Variants in CACNA2D3 observed in about 807,000 individuals in gnomAD.
The protein encoded by CACNA2D3 is calcium voltage-gated channel auxiliary subunit alpha2delta 3.
Under a neutral mutation model 160.6 loss-of-function variants are expected in CACNA2D3, and 60 were observed. The ratio of observed to expected loss-of-function variants is 0.37; its 90% confidence interval spans 0.30 to 0.46. The LOEUF is 0.46. Ranked by LOEUF, CACNA2D3 falls within the 20% of genes least tolerant of loss-of-function variation. The probability of loss-of-function intolerance (pLI) is 1.00; values close to 1 mark genes in which losing one functional copy is unlikely to be tolerated. For synonymous variants in CACNA2D3, 558 were observed against 492.9 expected, an observed-to-expected ratio of 1.13 and a Z score of -1.75; for missense variants, 1,205 against 1,365.0, an observed-to-expected ratio of 0.88 and a Z score of 1.85.
At chr3:54,266,174 G>T (rs548647263) in intron 2 of CACNA2D3, among the ~76,000 whole-genome samples, 2 of 152,292 alleles carry the variant, frequency 1.3e-5, no homozygotes, top group Admixed American at 1.3e-4. Flanking sequence ...GAGCTTTGTA[G>T]AAGTGAGAAG....
At chr3:54,218,553 A>G (rs1701504680) in intron 2 of CACNA2D3, among the ~76,000 whole-genome samples, 1 of 152,198 alleles carries the variant, frequency 6.6e-6, no homozygotes, top group Admixed American at 6.5e-5. Context: ...AGATGTTAGC[A>G]TATTAACCCC....
intron 2 of CACNA2D3, among the ~76,000 whole-genome samples, chr3:54,238,517 A>G (rs1040660631): frequency 2.0e-5 from 3 of 152,246 alleles, no homozygotes; most frequent in African/African-American, 4.8e-5. Context: ...TTCTGTCATC[A>G]CAGAGCTTCT....
At chr3:54,306,997 G>A (rs996219621) in intron 2 of CACNA2D3, among the ~76,000 whole-genome samples, 1 of 152,080 alleles carries the variant, frequency 6.6e-6, no homozygotes, top group Non-Finnish European at 1.5e-5. Flanking sequence ...AAAGATCAAA[G>A]AAACCAAGAA....
chr3:54,857,515 G>A (rs1411956089), intron 17 of CACNA2D3, among the ~76,000 whole-genome samples: 1 of 152,134 alleles, frequency 6.6e-6, no homozygotes, highest in Non-Finnish European at 1.5e-5. Flanking sequence ...TTTTACACTG[G>A]CTCCCAGAGT....
At chr3:54,666,106 T>A (rs1267452212) in intron 11 of CACNA2D3, among the ~76,000 whole-genome samples, 1 of 152,182 alleles carries the variant, frequency 6.6e-6, no homozygotes, top group Admixed American at 6.5e-5. Flanking sequence ...TATTATCCAG[T>A]ATTTGATTGC....
In CACNA2D3 at chr3:54,262,105, G is replaced by T. The variant is rs145993120; in HGVS notation, c.205-58337G>T. Among the ~76,000 whole-genome samples the T allele has an allele frequency of 9.4e-3, 1,432 of 152,204 alleles. 21 individuals are homozygous for T. The highest frequency in any genetic ancestry group is 0.032 in the African/African-American group (1,328 of 41,526). On this transcript the variant is annotated intron_variant, in intron 2 of 37. Transcript: ENST00000474759. ...ATTCTTCCATATTTCACTTTAGCAC[G>T]TTCCCAGAACCCACGACAGGCTGTA...
intron 27 of CACNA2D3, among the ~76,000 whole-genome samples, chr3:54,961,618 C>T (rs994980967): frequency 1.3e-5 from 2 of 152,142 alleles, no homozygotes; most frequent in African/African-American, 4.8e-5. Context: ...AATTGTCCAG[C>T]AGTAGCCAGG....
intron 31 of CACNA2D3, 58 bp downstream of exon 31, chr3:54,987,811 C>T (rs1379468638): frequency 2.3e-6 from 3 of 1,312,870 alleles, no homozygotes; most frequent in Non-Finnish European, 2.1e-6. Context: ...TAAAATAAAA[C>T]AAGCCAAGGT....
rs1446716317 is a variant in CACNA2D3, at chr3:54,866,365, G to A, written c.1627-5174G>A. Among the ~76,000 whole-genome samples the A allele has an allele frequency of 2.6e-5, 4 of 152,184 alleles. No individual in the cohort carries two copies. The East Asian group carries it at 7.7e-4, about 29-fold the overall frequency. On this transcript the variant is annotated intron_variant, in intron 17 of 37. Transcript: ENST00000474759. Reference sequence around the variant, plus strand: ...CCTTGGGGAGGAGAGAAGACACAGGGCTTCAGAGGAAGTGGTAAAGGTCTT... The same window carrying A: ...CCTTGGGGAGGAGAGAAGACACAGGACTTCAGAGGAAGTGGTAAAGGTCTT...
chr3:54,906,853 TA>T (rs1172935792), intron 27 of CACNA2D3, among the ~76,000 whole-genome samples: 1 of 152,214 alleles, frequency 6.6e-6, no homozygotes, highest in African/African-American at 2.4e-5. Flanking sequence ...GTGATGTAGC[TA>T]TAGGTCACAC....
At chr3:54,801,053 C>T (rs991540135) in intron 13 of CACNA2D3, among the ~76,000 whole-genome samples, 30 of 150,040 alleles carry the variant, frequency 2.0e-4, no homozygotes, top group African/African-American at 6.9e-4. Context: ...GTGGTATGAT[C>T]TCAGCTCACT....
chr3:54,898,894 C>T (rs928035173), intron 26 of CACNA2D3, among the ~76,000 whole-genome samples: 3 of 152,198 alleles, frequency 2.0e-5, no homozygotes, highest in African/African-American at 4.8e-5. Context: ...CTGCAAGTCT[C>T]TGTGGTGGAG....
chr3:54,629,487 A>G (rs781488319), intron 10 of CACNA2D3, among the ~76,000 whole-genome samples: 4 of 152,176 alleles, frequency 2.6e-5, no homozygotes, highest in African/African-American at 7.2e-5. Flanking sequence ...AGAGGAGAAG[A>G]GAAAAATAAG....
intron 4 of CACNA2D3, among the ~76,000 whole-genome samples, chr3:54,441,106 G>A (rs1452802144): frequency 2.6e-5 from 4 of 152,172 alleles, no homozygotes; most frequent in Admixed American, 6.5e-5. Context: ...CCCACCAACA[G>A]TGTAAAAGTG....
chr3:54,489,041 A>G (rs758381612), intron 4 of CACNA2D3, among the ~76,000 whole-genome samples: 2 of 152,134 alleles, frequency 1.3e-5, no homozygotes, highest in African/African-American at 2.4e-5. Flanking sequence ...TCATGGAGCA[A>G]TGGAGCTACC....
At chr3:54,704,270 C>T (rs531349118) in intron 11 of CACNA2D3, among the ~76,000 whole-genome samples, 26 of 152,252 alleles carry the variant, frequency 1.7e-4, no homozygotes, top group African/African-American at 2.4e-4. Context: ...TTGGAGTAAC[C>T]GGATCATTTA....
chr3:54,562,188 G>T (rs994663135), intron 5 of CACNA2D3, among the ~76,000 whole-genome samples: 6 of 152,132 alleles, frequency 3.9e-5, no homozygotes, highest in Non-Finnish European at 8.8e-5. Flanking sequence ...AAGAGTTTTG[G>T]AGCTTCTGCC....
chr3:54,260,339 T>G (rs533921524), intron 2 of CACNA2D3, among the ~76,000 whole-genome samples: 68 of 152,198 alleles, frequency 4.5e-4, no homozygotes, highest in African/African-American at 1.5e-3. Context: ...ATAAAGAAAA[T>G]AAATATATTT....
chr3:54,971,945 A>G (rs1702282166), intron 29 of CACNA2D3, among the ~76,000 whole-genome samples: 1 of 152,230 alleles, frequency 6.6e-6, no homozygotes, highest in Non-Finnish European at 1.5e-5. Flanking sequence ...TAAGACATGA[A>G]CAATGCATGG....
Sources: gnomAD v4.1 joint callset for allele counts (sites outside exome capture counted in the v4.1 genomes callset) on GRCh38, gnomAD v4.1.1 for gene constraint, MANE v1.5 for transcripts, NCBI Gene and HGNC (gene_info 2026-07-23, HGNC 2026-07-21) for gene names.